KIAA1143: variants seen among roughly 807,000 people sequenced by gnomAD.
The protein encoded by KIAA1143 is uncharacterized protein KIAA1143.
In KIAA1143, 8 loss-of-function variants were observed where a neutral mutation model predicts 17.0. The observed-to-expected ratio is 0.47, with a 90% confidence interval of 0.28 to 0.85. The LOEUF is 0.85. Ranked by LOEUF, KIAA1143 falls within the 40% of genes least tolerant of loss-of-function variation. The pLI, the probability that KIAA1143 is intolerant of heterozygous loss-of-function variation, is 0.12. For synonymous variants in KIAA1143, 64 were observed against 67.8 expected (o/e 0.94, Z 0.27); for missense variants, 162 against 183.3 (o/e 0.88, Z 0.67).
intron 1 of KIAA1143, among the ~76,000 whole-genome samples, chr3:44,754,846 A>T (rs1316403954): frequency 4.6e-5 from 7 of 152,176 alleles, no homozygotes; most frequent in African/African-American, 1.7e-4. Flanking sequence ...TTTGGTGGAT[A>T]TTCTATCAGC....
rs1300650310 is a variant in KIAA1143, at chr3:44,752,192, CCAAT to C, written c.*1145_*1148del. Reference sequence around the variant, plus strand: ...GCCTCTGATTGGTCCCCTCCTGCAACCAATCAGACTGGTCATAGGCCAAGTCCTC... The same window carrying C: ...GCCTCTGATTGGTCCCCTCCTGCAACCAGACTGGTCATAGGCCAAGTCCTC... On this transcript the variant is annotated 3_prime_UTR_variant, in exon 3 of 3. Transcript: ENST00000296121. 2 of 152,210 alleles carry C rather than the reference CCAAT, an allele frequency of 1.3e-5. No homozygotes were observed. The highest frequency in any genetic ancestry group is 2.9e-5 in the Non-Finnish European group (2 of 68,048). The allele number at this position is 152,210 out of a possible 1,614,324, so 9.4% of individuals were successfully genotyped here.
chr3:44,761,058 G>A (rs1006954276), intron 1 of KIAA1143, among the ~76,000 whole-genome samples: 67 of 152,012 alleles, frequency 4.4e-4, no homozygotes, highest in African/African-American at 1.6e-3. Context: ...ACATTCCTCC[G>A]AAGACGTTCC....
At chr3:44,761,326 G>A (rs369988809) in intron 1 of KIAA1143, among the ~76,000 whole-genome samples, 169 bp downstream of exon 1, 3 of 152,154 alleles carry the variant, frequency 2.0e-5, no homozygotes, top group African/African-American at 7.2e-5. Context: ...GGCGTAGGGG[G>A]CTGTGGTCGC....
rs1704853612 is a variant in KIAA1143 at position 44,748,855 on chromosome 3, A to G, written c.*4486T>C. On this transcript the variant is annotated 3_prime_UTR_variant, in exon 3 of 3. Transcript: ENST00000296121. ...ATGCTTTCAAGATTCCCACACCCAG[A>G]TACTAAGACATATTAAAATTTACAG... 1 of 152,344 alleles carries G rather than the reference A, an allele frequency of 6.6e-6. No individual in the cohort carries two copies. The highest frequency in any genetic ancestry group is 2.1e-4 in the South Asian group (1 of 4,832). The allele number at this position is 152,344 out of a possible 1,614,324, so 9.4% of individuals were successfully genotyped here. A position where few individuals can be genotyped will look rare whatever the true frequency, so the allele number is the denominator to read the frequency against.
chr3:44,757,248 T>C (rs1384114103), intron 1 of KIAA1143, among the ~76,000 whole-genome samples: 3 of 152,180 alleles, frequency 2.0e-5, no homozygotes, highest in Non-Finnish European at 4.4e-5. Context: ...ACCCTCTTTG[T>C]CATCATCCCT....
Position 44,752,181 on chromosome 3 carries a change from C to T in KIAA1143, c.*1160G>A, listed in dbSNP as rs1704900315. ...AAAATGAAAGTGCCTCTGATTGGTC[C>T]CCTCCTGCAACCAATCAGACTGGTC... On this transcript the variant is annotated 3_prime_UTR_variant, in exon 3 of 3. Coordinates refer to ENST00000296121, the MANE Select transcript of KIAA1143 (RefSeq NM_020696.4). 1 of 152,154 alleles carries T rather than the reference C, an allele frequency of 6.6e-6. No homozygotes were observed. Among genetic ancestry groups the T allele is most frequent in the Non-Finnish European group, 1.5e-5 (1 of 68,034 alleles). 9.4% of individuals were successfully genotyped at this position (152,154 alleles called of 1,614,324 possible).
chr3:44,754,037 C>A (rs960997688), intron 2 of KIAA1143, among the ~76,000 whole-genome samples, 187 bp downstream of exon 2: 2 of 151,966 alleles, frequency 1.3e-5, no homozygotes, highest in African/African-American at 4.8e-5. Flanking sequence ...TTCCATTTTA[C>A]TGATGAGGAA....
At chr3:44,758,052 C>T (rs997757849) in intron 1 of KIAA1143, among the ~76,000 whole-genome samples, 3 of 152,274 alleles carry the variant, frequency 2.0e-5, no homozygotes, top group Non-Finnish European at 4.4e-5. Context: ...ATTAAGTACA[C>T]GATTCATGGG....
At chr3:44,757,479 C>T (rs965702803) in intron 1 of KIAA1143, among the ~76,000 whole-genome samples, 1 of 152,206 alleles carries the variant, frequency 6.6e-6, no homozygotes, top group Non-Finnish European at 1.5e-5. Context: ...AAATATCCCT[C>T]CTCCACGAAG....
chr3:44,755,063 T>C (rs1704949628), intron 1 of KIAA1143, among the ~76,000 whole-genome samples: 1 of 152,206 alleles, frequency 6.6e-6, no homozygotes, highest in South Asian at 2.1e-4. Context: ...TTTTGAAATG[T>C]GAGACACCGT....
At chr3:44,756,577 T>G (rs1311185490) in intron 1 of KIAA1143, among the ~76,000 whole-genome samples, 4 of 152,044 alleles carry the variant, frequency 2.6e-5, no homozygotes, top group Non-Finnish European at 5.9e-5. Flanking sequence ...AAAATAAAAG[T>G]GAATAGGATG....
At chr3:44,756,019 T>A (rs1704964746) in intron 1 of KIAA1143, among the ~76,000 whole-genome samples, 1 of 152,262 alleles carries the variant, frequency 6.6e-6, no homozygotes, top group Admixed American at 6.5e-5. Flanking sequence ...TTCATCAGTT[T>A]CTGCCAATTT....
intron 1 of KIAA1143, among the ~76,000 whole-genome samples, chr3:44,756,454 T>C (rs993410110): frequency 6.6e-6 from 1 of 152,180 alleles, no homozygotes; most frequent in Non-Finnish European, 1.5e-5. Flanking sequence ...TCCCACCTAC[T>C]TGGGTGGCTG....
chr3:44,758,491 T>G (rs886075636), intron 1 of KIAA1143, among the ~76,000 whole-genome samples: 1 of 152,208 alleles, frequency 6.6e-6, no homozygotes, highest in African/African-American at 2.4e-5. Flanking sequence ...CAGAAGTAGA[T>G]TCCATCTCAA....
At position 44,754,243 on chromosome 3, in the gene KIAA1143, T is replaced by C; in HGVS notation, c.234A>G (p.Glu78=). The C allele has an allele frequency of 1.2e-6, 2 of 1,613,660 alleles. No homozygotes were observed. Among genetic ancestry groups the C allele is most frequent in the Non-Finnish European group, 1.7e-6 (2 of 1,179,962 alleles). Residue 78 remains glutamate (E), a synonymous_variant, in exon 2 of 3, where the codon GAA becomes GAG. Transcript: ENST00000296121. ...SVEEVMKIKA[E]IKAAKADEEP... is the part of the protein sequence containing the mutation. ...ACCTACCTGCTTTGGCAGCCTTTAT[T>C]TCTGCTTTAATTTTCATGACTTCTT...
chr3:44,761,005 TTTTA>T (rs1705100763), intron 1 of KIAA1143, among the ~76,000 whole-genome samples: 1 of 152,140 alleles, frequency 6.6e-6, no homozygotes, highest in Non-Finnish European at 1.5e-5. Context: ...TCTATATTAT[TTTTA>T]TTTATTTTTA....
At chr3:44,754,412 GACAAACAGA>G in intron 1 of KIAA1143, 44 bp from the exon 2 acceptor site, 2 of 1,555,872 alleles carry the variant, frequency 1.3e-6, no homozygotes, top group East Asian at 4.5e-5. Flanking sequence ...CTGATCTTGA[GACAAACAGA>G]ACCACTGCCT....
intron 1 of KIAA1143, 38 bp from the exon 2 acceptor site, chr3:44,754,406 T>A (rs775914417): frequency 6.4e-7 from 1 of 1,565,264 alleles, no homozygotes; most frequent in Non-Finnish European, 8.7e-7. Context: ...AGATCACTGA[T>A]CTTGAGACAA....
At chr3:44,758,869 T>C (rs1394044372) in intron 1 of KIAA1143, among the ~76,000 whole-genome samples, 1 of 151,950 alleles carries the variant, frequency 6.6e-6, no homozygotes, top group Non-Finnish European at 1.5e-5. Context: ...TTTGACTTTT[T>C]TTTTTTTTTT....
Sources: gnomAD v4.1 joint callset for allele counts (sites outside exome capture counted in the v4.1 genomes callset) on GRCh38, gnomAD v4.1.1 for gene constraint, MANE v1.5 for transcripts, NCBI Gene and HGNC (gene_info 2026-07-23, HGNC 2026-07-21) for gene names.